Variants in SRPK1 observed in about 807,000 individuals in gnomAD.
The protein encoded by SRPK1 is SFRS protein kinase 1.
A neutral mutation model predicts 89.5 loss-of-function variants in SRPK1; 52 were observed. The ratio of observed to expected loss-of-function variants is 0.58; its 90% CI spans 0.46 to 0.73. The LOEUF (loss-of-function observed/expected upper bound fraction) is 0.73, where lower values mean the gene tolerates loss of function less well. Ranked by LOEUF, SRPK1 falls within the 30% of genes least tolerant of loss-of-function variation. The pLI is 0.00. For synonymous variants in SRPK1, 255 were observed against 270.2 expected, an observed-to-expected ratio of 0.94 and a Z score of 0.55; for missense variants, 603 against 780.6, an observed-to-expected ratio of 0.77 and a Z score of 2.71.
rs541821809 is a variant in SRPK1, at chr6:35,878,674, C to T, written c.479-4335G>A. ...AGTCGGGTGGCCATTTTTGTAACCC[C>T]CCTCCATTGTTTTAAGCCCCTCTTC... is the stretch of plus-strand genomic sequence containing the variant. On this transcript the variant is annotated intron_variant, in intron 6 of 15. Coordinates refer to ENST00000373825, the MANE Select transcript of SRPK1 (RefSeq NM_003137.5). Among the ~76,000 whole-genome samples the T allele has an allele frequency of 2.6e-5, 4 of 152,246 alleles. No homozygotes were observed. The South Asian group carries it at 8.3e-4, about 32-fold the overall frequency.
intron 13 of SRPK1, among the ~76,000 whole-genome samples, chr6:35,847,413 T>C (rs1769449506): frequency 6.6e-6 from 1 of 152,130 alleles, no homozygotes; most frequent in Non-Finnish European, 1.5e-5. Context: ...CTCGCTATGT[T>C]ATCCAGGCTG....
At position 35,889,043 on chromosome 6, in the gene SRPK1, T is replaced by C. The variant is rs1581588318; in HGVS notation, c.194-120A>G. On this transcript the variant is annotated intron_variant, in intron 3 of 15. Coordinates refer to ENST00000373825, the MANE Select transcript of SRPK1 (RefSeq NM_003137.5). ...TACCTTTTATCAATAAAAAGTTTCT[T>C]TTATACAATCAATTCAACAGAAGAA... The C allele has an allele frequency of 9.8e-6, 6 of 609,658 alleles. No homozygotes were observed. In the East Asian group the frequency reaches 1.7e-4, roughly 17 times the overall value. The allele number at this position is 609,658 out of a possible 1,614,324, so 37.8% of individuals were successfully genotyped here.
intron 2 of SRPK1, among the ~76,000 whole-genome samples, chr6:35,894,883 G>T (rs1770597562): frequency 6.6e-6 from 1 of 152,102 alleles, no homozygotes. Flanking sequence ...CAGTAAAACT[G>T]AGAAAGAAGA....
intron 12 of SRPK1, among the ~76,000 whole-genome samples, chr6:35,860,485 A>G (rs17654270): frequency 0.32 from 47,949 of 152,102 alleles, 7,796 homozygotes; most frequent in South Asian, 0.42. Flanking sequence ...TAAAGGCACC[A>G]GAGCCTGAAA....
At chr6:35,853,418 C>G (rs889561069) in intron 13 of SRPK1, among the ~76,000 whole-genome samples, 8 of 152,124 alleles carry the variant, frequency 5.3e-5, no homozygotes, top group African/African-American at 1.7e-4. Context: ...ATGTTATATG[C>G]AAACACTATG....
chr6:35,916,238 A>AATT (rs1562000582), intron 2 of SRPK1, among the ~76,000 whole-genome samples: 26 of 147,648 alleles, frequency 1.8e-4, no homozygotes, highest in African/African-American at 6.7e-4. Context: ...ATAAATAAAT[A>AATT]AATAAATTAA....
chr6:35,891,170 A>G (rs1561988792), intron 2 of SRPK1, 157 bp from the exon 3 acceptor site: 3 of 787,938 alleles, frequency 3.8e-6, no homozygotes, highest in South Asian at 3.5e-5. Flanking sequence ...GTTTTACCTC[A>G]TGTTAGAAAA....
At chr6:35,910,193 G>C (rs962959946) in intron 2 of SRPK1, among the ~76,000 whole-genome samples, 7 of 152,120 alleles carry the variant, frequency 4.6e-5, no homozygotes, top group Non-Finnish European at 1.0e-4. Context: ...ATGTTGGTCA[G>C]GCTGGTCTCG....
At chr6:35,893,247 G>C (rs1770557558) in intron 2 of SRPK1, among the ~76,000 whole-genome samples, 2 of 152,338 alleles carry the variant, frequency 1.3e-5, no homozygotes, top group African/African-American at 4.8e-5. Context: ...CATTTTGTGA[G>C]GCCAAGGCGG....
At chr6:35,875,367 C>T (rs1770133862) in intron 6 of SRPK1, among the ~76,000 whole-genome samples, 1 of 151,858 alleles carries the variant, frequency 6.6e-6, no homozygotes, top group African/African-American at 2.4e-5. Flanking sequence ...AGGTGTGTAC[C>T]ACCACGCTGG....
chr6:35,899,056 G>C (rs2127262272), intron 2 of SRPK1, among the ~76,000 whole-genome samples: 1 of 152,302 alleles, frequency 6.6e-6, no homozygotes, highest in South Asian at 2.1e-4. Flanking sequence ...AGCTACTCAG[G>C]AGGTTGAGGC....
intron 12 of SRPK1, among the ~76,000 whole-genome samples, chr6:35,859,168 A>T (rs933131822): frequency 6.6e-6 from 1 of 152,212 alleles, no homozygotes; most frequent in African/African-American, 2.4e-5. Flanking sequence ...GGAAATGAGG[A>T]ATTCGTGCTG....
At chr6:35,913,407 T>C (rs1480821765) in intron 2 of SRPK1, among the ~76,000 whole-genome samples, 1 of 152,096 alleles carries the variant, frequency 6.6e-6, no homozygotes, top group African/African-American at 2.4e-5. Context: ...TTCACTTGAA[T>C]CACTCCAACT....
chr6:35,870,601 T>C lies in SRPK1; in HGVS notation c.778-107A>G. 7.6e-6 allele frequency: 8 copies of C among 1,053,742 alleles called. No individual in the cohort carries two copies. In the Middle Eastern group the frequency reaches 1.7e-3, roughly 225 times the overall value. The allele number at this position is 1,053,742 out of a possible 1,614,324, so 65.3% of individuals were successfully genotyped here. A position where few individuals can be genotyped will look rare whatever the true frequency, so the allele number is the denominator to read the frequency against. ...ACTTCCTAATTAAATTTCACAAATC[T>C]TTCCCTAACATAGCACTTAAGTCTT... On this transcript the variant is annotated intron_variant, in intron 9 of 15. Transcript: ENST00000373825.
chr6:35,858,909 G>A (rs371208007), intron 12 of SRPK1, among the ~76,000 whole-genome samples: 1 of 152,256 alleles, frequency 6.6e-6, no homozygotes, highest in Non-Finnish European at 1.5e-5. Context: ...AGGACACAGC[G>A]CTTTAGAAAG....
rs374019367 is a variant in SRPK1 at position 35,882,721 on chromosome 6, A to C, written c.478+4003T>G. On this transcript the variant is annotated intron_variant, in intron 6 of 15. Transcript: ENST00000373825. The stretch of plus-strand genomic sequence containing the variant: ...AAACAAGATTGGCTATAAGTTGATA[A>C]CTCCTGAAATGGGTAATGGATCTGT... 2.3e-4 allele frequency among the ~76,000 whole-genome samples: 35 copies of C among 152,100 alleles called. No homozygotes were observed. In the East Asian group the frequency reaches 5.8e-3, roughly 25 times the overall value.
chr6:35,852,406 T>G (rs181510482), intron 13 of SRPK1, among the ~76,000 whole-genome samples: 1 of 152,180 alleles, frequency 6.6e-6, no homozygotes, highest in Non-Finnish European at 1.5e-5. Flanking sequence ...TTGTATTACC[T>G]CTGTTTAGCG....
intron 2 of SRPK1, among the ~76,000 whole-genome samples, chr6:35,913,619 G>C (rs565171408): frequency 1.4e-4 from 21 of 152,138 alleles, no homozygotes; most frequent in African/African-American, 5.1e-4. Flanking sequence ...ACAACATGGT[G>C]AAACCCCGTC....
At chr6:35,839,258 C>A (rs1333775301) in intron 14 of SRPK1, among the ~76,000 whole-genome samples, 2 of 152,182 alleles carry the variant, frequency 1.3e-5, no homozygotes, top group African/African-American at 4.8e-5. Context: ...TCAAGCAATC[C>A]TCCTGCCTTG....
Sources: allele counts gnomAD v4.1 joint callset (sites outside exome capture counted in the v4.1 genomes callset), GRCh38; gene constraint gnomAD v4.1.1; transcripts MANE v1.5; gene names NCBI Gene and HGNC (gene_info 2026-07-23, HGNC 2026-07-21).